The following BATF2 variants were observed in gnomAD, a reference collection of about 807,000 sequenced individuals.
BATF2 encodes basic leucine zipper ATF-like transcription factor 2.
A neutral mutation model predicts 7.3 loss-of-function variants in BATF2; 4 were observed. That is an observed-to-expected ratio of 0.55 (90% CI 0.27 to 1.26). The LOEUF (loss-of-function observed/expected upper bound fraction) is 1.26, where lower values mean the gene tolerates loss of function less well. Ranked by LOEUF, BATF2 falls within the 50% of genes most tolerant of loss-of-function variation. The pLI is 0.11. For synonymous variants in BATF2, 152 were observed against 153.9 expected (o/e 0.99, Z 0.09); for missense variants, 295 against 340.5 (o/e 0.87, Z 1.05).
In BATF2 at chr11:64,988,819, C is replaced by T. The variant is rs1946044793; in HGVS notation, c.*310G>A. 6 of 387,822 alleles carry T rather than the reference C, an allele frequency of 1.5e-5. No homozygotes were observed. The South Asian group carries it at 1.7e-4, about 11-fold the overall frequency. The allele number at this position is 387,822 out of a possible 1,614,324, so 24.0% of individuals were successfully genotyped here. On this transcript the variant is annotated 3_prime_UTR_variant, in exon 3 of 3. Transcript: ENST00000301887. ...GAAGGAGGAGCAGAGGGTGGTGTTT[C>T]GGGCTCCAAGAAAGTCTTCGTGACC...
rs565325898 is a variant in BATF2 at position 64,990,682 on chromosome 11, G to C, written c.142-870C>G. 4.0e-5 allele frequency: 37 copies of C among 923,956 alleles called. No homozygotes were observed. In the South Asian group the frequency reaches 1.8e-3, roughly 44 times the overall value. 57.2% of individuals were successfully genotyped at this position (923,956 alleles called of 1,614,324 possible). A position where few individuals can be genotyped will look rare whatever the true frequency, so the allele number is the denominator to read the frequency against. ...AGAATTTTATATCCACATCTCACAG[G>C]GCTGAATAAATTGAACGACTTCCTT... is the stretch of plus-strand genomic sequence containing the variant. On this transcript the variant is annotated intron_variant, in intron 2 of 2. Coordinates refer to ENST00000301887, the MANE Select transcript of BATF2 (RefSeq NM_138456.4).
In BATF2 at chr11:64,989,937, G is replaced by C; in HGVS notation, c.142-125C>G. On this transcript the variant is annotated intron_variant, in intron 2 of 2. Coordinates refer to ENST00000301887, the MANE Select transcript of BATF2 (RefSeq NM_138456.4). This position sits in a 1 kb window ranked among gnomAD's most constrained non-coding sequence, Gnocchi z 4.3. ...ATGCCACCACCATTGGAATAGCCAA[G>C]TGGGGTCTCTTGGCCACTCTCTGGC... is the stretch of plus-strand genomic sequence containing the variant. 7.0e-7 allele frequency: 1 copy of C among 1,436,154 alleles called. No homozygotes were observed. Among genetic ancestry groups the C allele is most frequent in the Non-Finnish European group, 9.6e-7 (1 of 1,045,952 alleles). 89.0% of individuals were successfully genotyped at this position (1,436,154 alleles called of 1,614,324 possible).
chr11:64,993,767 A>G (rs1164919775), intron 2 of BATF2, among the ~76,000 whole-genome samples: 1 of 152,016 alleles, frequency 6.6e-6, no homozygotes, highest in Non-Finnish European at 1.5e-5. Context: ...ACCTGGCCTC[A>G]TGAGGTGGGA....
chr11:64,995,661 C>A (rs185074247), intron 1 of BATF2, among the ~76,000 whole-genome samples: 1 of 152,298 alleles, frequency 6.6e-6, no homozygotes, highest in African/African-American at 2.4e-5. Flanking sequence ...GCAAGAGGGA[C>A]TGTTGGAGAG....
At chr11:64,994,886 C>T (rs1248209788) in intron 1 of BATF2, among the ~76,000 whole-genome samples, 1 of 152,074 alleles carries the variant, frequency 6.6e-6, no homozygotes, top group East Asian at 1.9e-4. Context: ...CACTCTGTTG[C>T]CCAGGCTGGA....
At chr11:64,996,754 C>T (rs899716670) in intron 1 of BATF2, 122 bp downstream of exon 1, 1 of 1,214,324 alleles carries the variant, frequency 8.2e-7, no homozygotes, top group Non-Finnish European at 1.2e-6. Context: ...AGCCCTCTGT[C>T]ACACTGCTCA....
intron 2 of BATF2, among the ~76,000 whole-genome samples, chr11:64,993,842 G>C (rs1325210056): frequency 6.6e-6 from 1 of 152,082 alleles, no homozygotes; most frequent in Non-Finnish European, 1.5e-5. Flanking sequence ...TGTTGCCCAG[G>C]TTGGATGCAG....
Position 64,988,748 on chromosome 11 carries a change from C to T in BATF2, c.*381G>A, listed in dbSNP as rs1361650560. The T allele has an allele frequency of 7.5e-6, 2 of 266,978 alleles. No homozygotes were observed. Among genetic ancestry groups the T allele is most frequent in the Admixed American group, 4.8e-5 (1 of 20,882 alleles). The allele number at this position is 266,978 out of a possible 1,614,324, so 16.5% of individuals were successfully genotyped here. A position where few individuals can be genotyped will look rare whatever the true frequency, so the allele number is the denominator to read the frequency against. ...ATGCAAACCTTCTCACACCAGCCCA[C>T]GGTTTCCAGGATTTCAGCCCCTAGG... On this transcript the variant is annotated 3_prime_UTR_variant, in exon 3 of 3. Transcript: ENST00000301887.
Position 64,989,669 on chromosome 11 carries a change from C to G in BATF2, c.285G>C (p.Gly95=). 1.2e-6 allele frequency: 2 copies of G among 1,613,702 alleles called. No individual in the cohort carries two copies. Among genetic ancestry groups the G allele is most frequent in the Non-Finnish European group, 1.7e-6 (2 of 1,179,924 alleles). The change falls in exon 3 of 3, where the codon GGG becomes GGC. Residue 95 remains glycine, a synonymous_variant. Coordinates refer to ENST00000301887, the MANE Select transcript of BATF2 (RefSeq NM_138456.4). This position sits in a 1 kb window ranked among gnomAD's most constrained non-coding sequence, Gnocchi z 4.3. The part of the protein sequence containing the change: ...PMDCASCSAP[G]LLGCWDQAEG... ...CAGCCTGGTCCCAGCAGCCCAGGAG[C>G]CCTGGAGCTGAGCAGGAGGCACAAT...
In BATF2 at chr11:64,989,585, C is replaced by T. The variant is rs1208686913; in HGVS notation, c.369G>A (p.Leu123=). 6.3e-7 allele frequency: 1 copy of T among 1,596,996 alleles called. No homozygotes were observed. The highest frequency in any genetic ancestry group is 1.8e-5 in the Admixed American group (1 of 56,340). The change falls in exon 3 of 3, where the codon CTG becomes CTA. Residue 123 remains leucine, a synonymous_variant. Coordinates refer to ENST00000301887, the MANE Select transcript of BATF2 (RefSeq NM_138456.4). This position sits in a 1 kb window ranked among gnomAD's most constrained non-coding sequence, Gnocchi z 4.3. ...GGTAACAGGAACCCGGGGTCTGGAACAGCTCCAGCTGCTCCCGGCAGCCAT... is the reference window on the plus strand; with the variant it reads ...GGTAACAGGAACCCGGGGTCTGGAATAGCTCCAGCTGCTCCCGGCAGCCAT... ...GQHGCREQLE[L]FQTPGSCYPA...
At chr11:64,990,422 T>C (rs1946066940) in intron 2 of BATF2, 13 of 1,355,890 alleles carry the variant, frequency 9.6e-6, no homozygotes, top group African/African-American at 4.4e-5. Flanking sequence ...CTGTCCTAGA[T>C]TGCTTATTGC....
chr11:64,989,833 G>A lies in BATF2; in HGVS notation c.142-21C>T, dbSNP rs12281031. 3.2e-3 allele frequency: 5,214 copies of A among 1,612,304 alleles called. 144 individuals are homozygous for A. In the African/African-American group the frequency reaches 0.058, roughly 18 times the overall value. ...TGCTGCTGCAGAGAAGCAGATGGGC[G>A]GGGAGGGGAACCTCAGCCAGTGTCA... On this transcript the variant is annotated intron_variant, in intron 2 of 2. Transcript: ENST00000301887. This position sits in a 1 kb window ranked among gnomAD's most constrained non-coding sequence, Gnocchi z 4.3.
chr11:64,994,742 C>T (rs1432916573), intron 1 of BATF2, among the ~76,000 whole-genome samples, 193 bp from the exon 2 acceptor site: 1 of 152,236 alleles, frequency 6.6e-6, no homozygotes, highest in Non-Finnish European at 1.5e-5. Flanking sequence ...CCAGCCTCAC[C>T]CCTGTGTCCT....
rs749433171 is a variant in BATF2, at chr11:64,989,921, C to G, written c.142-109G>C. 6.9e-7 allele frequency: 1 copy of G among 1,450,882 alleles called. No individual in the cohort carries two copies. The highest frequency in any genetic ancestry group is 9.4e-7 in the Non-Finnish European group (1 of 1,059,240). The allele number at this position is 1,450,882 out of a possible 1,614,324, so 89.9% of individuals were successfully genotyped here. ...CAACTTCAGGAGAAAGATGCCACCA[C>G]CATTGGAATAGCCAAGTGGGGTCTC... On this transcript the variant is annotated intron_variant, in intron 2 of 2. Transcript: ENST00000301887. The surrounding 1 kb of genome is among the most constrained non-coding windows in gnomAD (Gnocchi z 4.3).
Position 64,988,606 on chromosome 11 carries a change from T to C in BATF2, c.*523A>G, listed in dbSNP as rs187222961. The C allele has an allele frequency of 6.3e-6, 1 of 157,680 alleles. No individual in the cohort carries two copies. The highest frequency in any genetic ancestry group is 2.4e-5 in the African/African-American group (1 of 41,618). 9.8% of individuals were successfully genotyped at this position (157,680 alleles called of 1,614,324 possible). A position where few individuals can be genotyped will look rare whatever the true frequency, so the allele number is the denominator to read the frequency against. On this transcript the variant is annotated 3_prime_UTR_variant, in exon 3 of 3. Coordinates refer to ENST00000301887, the MANE Select transcript of BATF2 (RefSeq NM_138456.4). ...TCCACTTCAGGGCTTCTGCTTGGCC[T>C]CTACCCACCAGGGCTTGGACTCTGG...
chr11:64,993,262 A>G (rs1223781322), intron 2 of BATF2, among the ~76,000 whole-genome samples: 2 of 152,204 alleles, frequency 1.3e-5, no homozygotes, highest in Non-Finnish European at 1.5e-5. Flanking sequence ...CAGGAGGCTG[A>G]GGCAGGAGGA....
At chr11:64,992,026 T>TTTG (rs531151977) in intron 2 of BATF2, among the ~76,000 whole-genome samples, 15 of 151,906 alleles carry the variant, frequency 9.9e-5, no homozygotes, top group Middle Eastern at 3.4e-3. Flanking sequence ...ATCGCCTTTT[T>TTTG]TTGTTGTTGT....
rs140399350 is a variant in BATF2, at chr11:64,989,354, C to T, written c.600G>A (p.Thr200=). 339 of 1,570,938 alleles carry T rather than the reference C, an allele frequency of 2.2e-4. No individual in the cohort carries two copies. In the East Asian group the frequency reaches 5.6e-3, roughly 26 times the overall value. Residue 200 remains threonine, a synonymous_variant, in exon 3 of 3, where the codon ACG becomes ACA. Coordinates refer to ENST00000301887, the MANE Select transcript of BATF2 (RefSeq NM_138456.4). The surrounding 1 kb of genome is among the most constrained non-coding windows in gnomAD (Gnocchi z 4.3). ...SKLSALQPSL[T]AQTAPPQPLE... Reference sequence around the variant, plus strand: ...GGGGCTGTGGAGGGGCAGTTTGGGCCGTGAGGCTGGGCTGGAGGGCACTGA... The same window carrying T: ...GGGGCTGTGGAGGGGCAGTTTGGGCTGTGAGGCTGGGCTGGAGGGCACTGA...
At chr11:64,992,736 C>T (rs1191880848) in intron 2 of BATF2, among the ~76,000 whole-genome samples, 1 of 151,622 alleles carries the variant, frequency 6.6e-6, no homozygotes, top group African/African-American at 2.4e-5. Context: ...TGGTGCATGC[C>T]TGTAGTCTCA....
Sources: allele counts gnomAD v4.1 joint callset (sites outside exome capture counted in the v4.1 genomes callset), GRCh38; gene constraint gnomAD v4.1.1; non-coding constraint Gnocchi (gnomAD v3.1); transcripts MANE v1.5; gene names NCBI Gene and HGNC (gene_info 2026-07-23, HGNC 2026-07-21).